KAZN: variants seen among roughly 807,000 people sequenced by gnomAD.
KAZN encodes kazrin.
KAZN carries 40 observed loss-of-function variants against 87.4 expected under a neutral mutation model. The observed-to-expected ratio is 0.46, with a 90% CI of 0.36 to 0.60. The LOEUF is 0.60. Ranked by LOEUF, KAZN falls within the 20% of genes least tolerant of loss-of-function variation. KAZN has a pLI of 0.00. For missense variants in KAZN, 898 were observed against 1,073.9 expected (o/e 0.84, Z 2.29); for synonymous variants, 466 against 458.3 (o/e 1.02, Z -0.22).
At chr1:13,978,967 A>G (rs1341408592) in intron 1 of KAZN, among the ~76,000 whole-genome samples, 1 of 152,082 alleles carries the variant, frequency 6.6e-6, no homozygotes, top group Admixed American at 6.5e-5. Context: ...ATGGTGGCAC[A>G]TGCCTGTGGT....
chr1:14,142,866 G>A (rs139950853), intron 1 of KAZN, among the ~76,000 whole-genome samples: 135 of 152,306 alleles, frequency 8.9e-4, no homozygotes, highest in African/African-American at 2.9e-3. Context: ...AAAAGAAGCC[G>A]CTCTGGCTGT....
chr1:14,143,519 C>T (rs1645284454), intron 1 of KAZN, among the ~76,000 whole-genome samples: 1 of 152,206 alleles, frequency 6.6e-6, no homozygotes, highest in African/African-American at 2.4e-5. Context: ...CACAGGCACA[C>T]ACTTCTCCCC....
At position 15,096,636 on chromosome 1, in the gene KAZN, C is replaced by A. The variant is rs1336817399; in HGVS notation, c.1547+1703C>A. On this transcript the variant is annotated intron_variant, in intron 10 of 14. Coordinates refer to ENST00000376030, the MANE Select transcript of KAZN (RefSeq NM_201628.3). This position sits in a 1 kb window ranked among gnomAD's most constrained non-coding sequence, Gnocchi z 4.5. ...GTTCTGGAGGCTGGAAGTCCAAGATCGGGATGCCAGCATGGTTGGGACCTG... is the reference window on the plus strand; with the variant it reads ...GTTCTGGAGGCTGGAAGTCCAAGATAGGGATGCCAGCATGGTTGGGACCTG... 1.3e-5 allele frequency among the ~76,000 whole-genome samples: 2 copies of A among 152,190 alleles called. No individual in the cohort carries two copies. The highest frequency in any genetic ancestry group is 3.9e-4 in the East Asian group (2 of 5,188).
intron 1 of KAZN, chr1:14,692,327 G>T: frequency 2.2e-6 from 1 of 454,742 alleles, no homozygotes; most frequent in Non-Finnish European, 3.8e-6. Flanking sequence ...CACCATCTTC[G>T]GCTCTCATTT....
In KAZN at chr1:15,085,337, G is replaced by GT. The variant is rs200997295; in HGVS notation, c.1223-8835dup. 3.9e-3 allele frequency among the ~76,000 whole-genome samples: 600 copies of GT among 151,910 alleles called. 2 individuals carry two copies. The highest frequency in any genetic ancestry group is 0.01 in the African/African-American group (428 of 41,442). ...ATTTTACCTCTGCCATTATTATTTT[G>GT]TTTTTTTTGAGATGGAGTTTCACTC... On this transcript the variant is annotated intron_variant, in intron 8 of 14. Transcript: ENST00000376030.
chr1:14,309,693 A>C (rs1344082399), intron 2 of KAZN, among the ~76,000 whole-genome samples: 1 of 152,078 alleles, frequency 6.6e-6, no homozygotes, highest in Non-Finnish European at 1.5e-5. Context: ...CCTAAGTAGC[A>C]GGGACCACAG....
At chr1:14,388,756 A>G (rs1361010526) in intron 2 of KAZN, among the ~76,000 whole-genome samples, 1 of 152,184 alleles carries the variant, frequency 6.6e-6, no homozygotes, top group Non-Finnish European at 1.5e-5. Flanking sequence ...CTAAAAGAAA[A>G]CATTAGGGAA....
At chr1:14,336,894 A>G (rs767871934) in intron 2 of KAZN, among the ~76,000 whole-genome samples, 30 of 152,142 alleles carry the variant, frequency 2.0e-4, no homozygotes, top group Non-Finnish European at 2.5e-4. Context: ...TCTGTAAGTT[A>G]TCTTTTCTCC....
At chr1:14,979,459 G>A (rs1042941045) in intron 2 of KAZN, among the ~76,000 whole-genome samples, 2 of 152,044 alleles carry the variant, frequency 1.3e-5, no homozygotes, top group Admixed American at 6.5e-5. Flanking sequence ...AGCATGCTGG[G>A]CCCTGCAATC....
rs2100767277 is a variant in KAZN at position 15,116,736 on chromosome 1, G to A, written c.*2101G>A. 3 of 152,356 alleles carry A rather than the reference G, an allele frequency of 2.0e-5. No homozygotes were observed. The Middle Eastern group carries it at 0.01, about 518-fold the overall frequency. The allele number at this position is 152,356 out of a possible 1,614,324, so 9.4% of individuals were successfully genotyped here. On this transcript the variant is annotated 3_prime_UTR_variant, in exon 15 of 15. Coordinates refer to ENST00000376030, the MANE Select transcript of KAZN (RefSeq NM_201628.3). ...GCAGGCAGTTATTCCCACAGAGTGA[G>A]CCAGAATTGTAGCAGGGCACTTGAA...
At chr1:14,008,635 A>G (rs868525893) in intron 1 of KAZN, among the ~76,000 whole-genome samples, 1 of 152,208 alleles carries the variant, frequency 6.6e-6, no homozygotes, top group African/African-American at 2.4e-5. Context: ...ATAAAATCAG[A>G]TGACTGGTGA....
chr1:14,776,860 CG>C (rs1310553150), intron 1 of KAZN, among the ~76,000 whole-genome samples: 2 of 147,496 alleles, frequency 1.4e-5, no homozygotes, highest in Non-Finnish European at 3.0e-5. Flanking sequence ...CATTTGAGTC[CG>C]GGACAATGAG....
chr1:14,514,352 A>ATATTATATATAT lies in KAZN; in HGVS notation c.250-84630_250-84629insATTATATATATT, dbSNP rs1553182425. Among the ~76,000 whole-genome samples the ATATTATATATAT allele has an allele frequency of 2.9e-4, 6 of 20,562 alleles. 1 individual carries two copies. The highest frequency in any genetic ancestry group is 1.3e-3 in the Admixed American group (2 of 1,594). The allele number at this position is 20,562 out of a possible 152,430, so 13.5% of individuals were successfully genotyped here. Reference sequence around the variant, plus strand: ...AAAATTTATATATATATTTATATATATTATATATATATTTATATATATAAT... The same window carrying ATATTATATATAT: ...AAAATTTATATATATATTTATATATATATTATATATATTTATATATATATTTATATATATAAT... On this transcript the variant is annotated intron_variant, in intron 2 of 16. Transcript: ENST00000636203.
intron 2 of KAZN, among the ~76,000 whole-genome samples, chr1:14,327,729 T>TG (rs1177243745): frequency 4.6e-5 from 7 of 152,222 alleles, no homozygotes; most frequent in Non-Finnish European, 8.8e-5. Context: ...AGCCACTGTT[T>TG]ACTCAAAGAG....
chr1:14,028,706 A>G (rs573236116), intron 1 of KAZN, among the ~76,000 whole-genome samples: 104 of 152,306 alleles, frequency 6.8e-4, no homozygotes, highest in African/African-American at 2.4e-3. Flanking sequence ...GTCCATTGTA[A>G]AAGCTAGCTC....
intron 1 of KAZN, among the ~76,000 whole-genome samples, chr1:14,837,563 T>C (rs1572614592): frequency 6.7e-6 from 1 of 150,002 alleles, no homozygotes; most frequent in Admixed American, 6.6e-5. Context: ...TTTTTTTTTT[T>C]TTTTTTTGAG....
intron 2 of KAZN, among the ~76,000 whole-genome samples, chr1:14,243,610 T>C (rs564114915): frequency 6.6e-6 from 1 of 152,330 alleles, no homozygotes; most frequent in African/African-American, 2.4e-5. Context: ...CCGTACTGTG[T>C]ATTTGTTAAG....
chr1:14,359,144 TC>T (rs1200526911), intron 2 of KAZN, among the ~76,000 whole-genome samples: 1 of 152,234 alleles, frequency 6.6e-6, no homozygotes, highest in Admixed American at 6.5e-5. Flanking sequence ...AGTTAGCTCT[TC>T]TTGTTGAATT....
At chr1:13,991,360 A>G (rs1263619440) in intron 1 of KAZN, among the ~76,000 whole-genome samples, 1 of 152,148 alleles carries the variant, frequency 6.6e-6, no homozygotes, top group Non-Finnish European at 1.5e-5. Flanking sequence ...TGATGGATGC[A>G]GCAAACCACC....
Sources: allele counts gnomAD v4.1 joint callset (sites outside exome capture counted in the v4.1 genomes callset), GRCh38; gene constraint gnomAD v4.1.1; non-coding constraint Gnocchi (gnomAD v3.1); transcripts MANE v1.5; gene names NCBI Gene and HGNC (gene_info 2026-07-23, HGNC 2026-07-21).